Variants in SLC10A7 observed in about 807,000 individuals in gnomAD.
SLC10A7 encodes sodium/bile acid cotransporter 7.
SLC10A7 carries 29 observed loss-of-function variants against 43.2 expected under a neutral mutation model. That is an observed-to-expected ratio of 0.67 (90% CI 0.50 to 0.92). SLC10A7 has a LOEUF of 0.92. Ranked by LOEUF, SLC10A7 falls within the 40% of genes least tolerant of loss-of-function variation. SLC10A7 has a pLI of 0.00. For missense variants in SLC10A7, 295 were observed against 403.2 expected, an observed-to-expected ratio of 0.73 and a Z score of 2.30; for synonymous variants, 152 against 144.8, an observed-to-expected ratio of 1.05 and a Z score of -0.35.
chr4:146,333,628 G>C (rs1002842014), intron 5 of SLC10A7, among the ~76,000 whole-genome samples: 1 of 152,144 alleles, frequency 6.6e-6, no homozygotes, highest in African/African-American at 2.4e-5. Context: ...AACTGAAAGC[G>C]AAGAGCAGAA....
At chr4:146,452,051 C>G (rs904872839) in intron 4 of SLC10A7, among the ~76,000 whole-genome samples, 1 of 152,040 alleles carries the variant, frequency 6.6e-6, no homozygotes, top group Non-Finnish European at 1.5e-5. Flanking sequence ...TTTTCTGGTA[C>G]TTGAAGCCTG....
chr4:146,334,524 T>TA (rs1481650191), intron 5 of SLC10A7, among the ~76,000 whole-genome samples: 2 of 152,052 alleles, frequency 1.3e-5, no homozygotes, highest in Non-Finnish European at 2.9e-5. Flanking sequence ...GAAAGTGTGG[T>TA]AAATGGAGTT....
chr4:146,493,566 T>A (rs1735641703), intron 4 of SLC10A7, among the ~76,000 whole-genome samples: 1 of 152,086 alleles, frequency 6.6e-6, no homozygotes, highest in Non-Finnish European at 1.5e-5. Context: ...TTGTTGTTCA[T>A]TGGAATGGAG....
chr4:146,432,233 T>C (rs1187968145), intron 5 of SLC10A7, among the ~76,000 whole-genome samples: 2 of 152,196 alleles, frequency 1.3e-5, no homozygotes, highest in Non-Finnish European at 2.9e-5. Context: ...TGGTGGTTTC[T>C]TATAATGTTA....
At chr4:146,295,616 T>C (rs1730729860) in intron 7 of SLC10A7, among the ~76,000 whole-genome samples, 1 of 152,164 alleles carries the variant, frequency 6.6e-6, no homozygotes, top group South Asian at 2.1e-4. Flanking sequence ...CATGGGTATC[T>C]AGATGTCTCC....
intron 9 of SLC10A7, 47 bp from the exon 10 acceptor site, chr4:146,283,312 T>A: frequency 6.8e-7 from 1 of 1,477,892 alleles, no homozygotes. Flanking sequence ...AAAAAGCCAA[T>A]TTAACACATT....
intron 5 of SLC10A7, among the ~76,000 whole-genome samples, chr4:146,332,271 A>C (rs1733589454): frequency 1.3e-5 from 2 of 152,166 alleles, no homozygotes; most frequent in East Asian, 3.9e-4. Context: ...CAACTATTTG[A>C]GCTGGATAAT....
At chr4:146,374,661 C>CACACACACACAT (rs1553963528) in intron 5 of SLC10A7, among the ~76,000 whole-genome samples, 2 of 100,708 alleles carry the variant, frequency 2.0e-5, no homozygotes, top group East Asian at 4.7e-4. Flanking sequence ...CACACACACA[C>CACACACACACAT]ATATATATAT....
At chr4:146,364,459 G>A (rs955364237) in intron 5 of SLC10A7, among the ~76,000 whole-genome samples, 2 of 152,088 alleles carry the variant, frequency 1.3e-5, no homozygotes, top group Non-Finnish European at 2.9e-5. Context: ...AAAAATTGAG[G>A]AGGAAGAATA....
In SLC10A7 at chr4:146,446,626, C is replaced by T. The variant is rs75311319; in HGVS notation, c.397-3805G>A. On this transcript the variant is annotated intron_variant, in intron 4 of 11. Coordinates refer to ENST00000335472, the MANE Select transcript of SLC10A7 (RefSeq NM_001029998.6). ...AATGACCTACTTACATGCCTCTCTCCGCTGGTCATCTAAGATAGGAATCTA... is the reference window on the plus strand; with the variant it reads ...AATGACCTACTTACATGCCTCTCTCTGCTGGTCATCTAAGATAGGAATCTA... 1.4e-4 allele frequency among the ~76,000 whole-genome samples: 21 copies of T among 151,694 alleles called. No homozygotes were observed. In the East Asian group the frequency reaches 2.3e-3, roughly 17 times the overall value.
At chr4:146,469,452 T>A (rs1432577037) in intron 4 of SLC10A7, among the ~76,000 whole-genome samples, 3 of 152,186 alleles carry the variant, frequency 2.0e-5, no homozygotes, top group Non-Finnish European at 4.4e-5. Context: ...GTTAGAATCC[T>A]TCTACTTGAA....
chr4:146,477,235 C>G (rs1051299812), intron 4 of SLC10A7, among the ~76,000 whole-genome samples: 1 of 152,182 alleles, frequency 6.6e-6, no homozygotes, highest in Non-Finnish European at 1.5e-5. Flanking sequence ...TGCGTTGTAG[C>G]GCTTAAAAGC....
intron 5 of SLC10A7, among the ~76,000 whole-genome samples, chr4:146,411,524 G>C (rs1413221303): frequency 6.6e-6 from 1 of 152,046 alleles, no homozygotes; most frequent in Non-Finnish European, 1.5e-5. Context: ...GTTTGAAGGA[G>C]GTGTATGCTA....
chr4:146,284,430 G>A (rs1729753226), intron 9 of SLC10A7, among the ~76,000 whole-genome samples: 1 of 152,070 alleles, frequency 6.6e-6, no homozygotes, highest in South Asian at 2.1e-4. Context: ...ACCCACAGGA[G>A]GAGAGAAGAG....
chr4:146,499,068 C>T (rs1382091782), intron 4 of SLC10A7, among the ~76,000 whole-genome samples: 1 of 152,116 alleles, frequency 6.6e-6, no homozygotes. Flanking sequence ...TACAACCACA[C>T]ACTGTATTTA....
rs1739295597 is a variant in SLC10A7, at chr4:146,402,570, A to AG, written c.435+40212dup. 4.6e-5 allele frequency among the ~76,000 whole-genome samples: 7 copies of AG among 152,240 alleles called. No individual in the cohort carries two copies. The South Asian group carries it at 1.2e-3, about 27-fold the overall frequency. ...GGCCACTCCAACCCTGGCTGCCTCA[A>AG]GGGGAGGGAAGGAAACCAAAAACAT... On this transcript the variant is annotated intron_variant, in intron 5 of 11. Transcript: ENST00000335472.
At chr4:146,349,980 C>T (rs550521515) in intron 5 of SLC10A7, among the ~76,000 whole-genome samples, 1 of 151,976 alleles carries the variant, frequency 6.6e-6, no homozygotes, top group Non-Finnish European at 1.5e-5. Context: ...CCCCACAAAT[C>T]TAAAATAAAA....
At chr4:146,516,269 T>C (rs1475403303) in intron 2 of SLC10A7, among the ~76,000 whole-genome samples, 1 of 151,756 alleles carries the variant, frequency 6.6e-6, no homozygotes, top group Non-Finnish European at 1.5e-5. Context: ...TAAAAGAGAA[T>C]CATAAATTCT....
intron 6 of SLC10A7, among the ~76,000 whole-genome samples, chr4:146,317,341 T>C (rs1280369906): frequency 6.6e-6 from 1 of 152,034 alleles, no homozygotes; most frequent in Non-Finnish European, 1.5e-5. Context: ...ATTTTGGGTA[T>C]TGGGATTATG....
Sources: gnomAD v4.1 joint callset for allele counts (sites outside exome capture counted in the v4.1 genomes callset) on GRCh38, gnomAD v4.1.1 for gene constraint, MANE v1.5 for transcripts, NCBI Gene and HGNC (gene_info 2026-07-23, HGNC 2026-07-21) for gene names.